The following NCOA4 variants were observed in gnomAD, a reference collection of about 807,000 sequenced individuals.
NCOA4 encodes nuclear receptor coactivator 4.
Under a neutral mutation model 69.5 loss-of-function variants are expected in NCOA4, and 31 were observed. That is an observed-to-expected ratio of 0.45 (90% CI 0.34 to 0.60). NCOA4 has a LOEUF of 0.60. Ranked by LOEUF, NCOA4 falls within the 20% of genes least tolerant of loss-of-function variation. The pLI, the probability that NCOA4 is intolerant of heterozygous loss-of-function variation, is 0.02. For missense variants in NCOA4, 600 were observed against 719.2 expected (o/e 0.83, Z 1.90); for synonymous variants, 228 against 252.4 (o/e 0.90, Z 0.92).
At chr10:46,014,029 A>T (rs1839386539) in intron 5 of NCOA4, among the ~76,000 whole-genome samples, 1 of 151,860 alleles carries the variant, frequency 6.6e-6, no homozygotes, top group Admixed American at 6.6e-5. Context: ...TCAGAATATG[A>T]ATTTTTTTTT....
At chr10:46,007,433 T>G (rs538520230) in intron 9 of NCOA4, among the ~76,000 whole-genome samples, 1 of 152,280 alleles carries the variant, frequency 6.6e-6, no homozygotes, top group South Asian at 2.1e-4. Context: ...TAAATGAAGT[T>G]GGCTACACTC....
At chr10:46,021,546 T>C (rs1425973242) in intron 1 of NCOA4, among the ~76,000 whole-genome samples, 3 of 152,254 alleles carry the variant, frequency 2.0e-5, no homozygotes, top group African/African-American at 7.2e-5. Flanking sequence ...GTGATTAAAA[T>C]TAACATTCCA....
chr10:46,023,468 A>G, intron 1 of NCOA4: 1 of 985,652 alleles, frequency 1.0e-6, no homozygotes, highest in Non-Finnish European at 1.2e-6. Context: ...CGCCCGGGCC[A>G]CTAGCGAGCT....
chr10:46,006,619 T>G (rs1311239786), intron 9 of NCOA4, 22 bp from the exon 10 acceptor site: 1 of 1,613,900 alleles, frequency 6.2e-7, no homozygotes. Context: ...CACCCACAGA[T>G]GATAAGTTAC....
At chr10:46,012,086 A>AAAAAAAAAAAAAAAAAAAC (rs1839257954) in intron 7 of NCOA4, among the ~76,000 whole-genome samples, 3 of 138,360 alleles carry the variant, frequency 2.2e-5, no homozygotes, top group Middle Eastern at 3.4e-3. Context: ...AAAAAAAAAA[A>AAAAAAAAAAAAAAAAAAAC]AAAAAAAAAA....
Position 46,015,149 on chromosome 10 carries a change from G to T in NCOA4, c.259C>A (p.Gln87Lys). 1.9e-6 allele frequency: 3 copies of T among 1,614,214 alleles called. No individual in the cohort carries two copies. The highest frequency in any genetic ancestry group is 2.5e-6 in the Non-Finnish European group (3 of 1,180,036). The change falls in exon 3 of 10, where the codon CAG becomes AAG. Residue 87 changes from glutamine to lysine, a missense_variant. Transcript: ENST00000581486. ...ACCGAGTAGAGCTGCTGAGCCTGCT[G>T]TTGAAGTGTCTCCTCTTTAAGCTGA... ...IYQLKEETLQQQAQQLYSLLG... is the reference protein window; with the variant it reads ...IYQLKEETLQKQAQQLYSLLG...
At chr10:46,008,815 GAC>G in intron 9 of NCOA4, among the ~76,000 whole-genome samples, 1 of 152,302 alleles carries the variant, frequency 6.6e-6, no homozygotes, top group South Asian at 2.1e-4. Context: ...TAAAGAAACT[GAC>G]AGAGCCATCC....
chr10:46,013,108 T>C (rs1590159226), intron 6 of NCOA4, 82 bp from the exon 7 acceptor site: 1 of 1,400,736 alleles, frequency 7.1e-7, no homozygotes, highest in East Asian at 2.3e-5. Flanking sequence ...AATCTTGGCT[T>C]GCCACTGACC....
At chr10:46,027,268 CAAAAAA>C (rs34282889) in intron 1 of NCOA4, among the ~76,000 whole-genome samples, 2 of 79,708 alleles carry the variant, frequency 2.5e-5, no homozygotes, top group African/African-American at 5.1e-5. Context: ...GACTCCGTCT[CAAAAAA>C]AAAAAAAAAA....
chr10:46,011,741 T>C (rs1242517889), intron 7 of NCOA4, among the ~76,000 whole-genome samples: 1 of 151,712 alleles, frequency 6.6e-6, no homozygotes, highest in African/African-American at 2.4e-5. Context: ...AGGCAAGTCA[T>C]CAAAGAAGCC....
intron 1 of NCOA4, among the ~76,000 whole-genome samples, chr10:46,019,959 G>A (rs1165756541): frequency 2.6e-5 from 4 of 152,072 alleles, no homozygotes; most frequent in Non-Finnish European, 5.9e-5. Context: ...TCCCTGTGGC[G>A]CAGTTAGAGC....
In NCOA4 at chr10:46,010,378, C is replaced by T; in HGVS notation, c.1543G>A (p.Glu515Lys). 6.2e-7 allele frequency: 1 copy of T among 1,614,184 alleles called. No homozygotes were observed. Among genetic ancestry groups the T allele is most frequent in the Non-Finnish European group, 8.5e-7 (1 of 1,180,032 alleles). The change falls in exon 8 of 10, where the codon GAA becomes AAA. Residue 515 changes from glutamate to lysine, a missense_variant. By Grantham distance (56) the Glu-to-Lys change is moderately conservative. Coordinates refer to ENST00000581486, the MANE Select transcript of NCOA4 (RefSeq NM_001145263.2). ...EGSPKEVPGTEDRAGKQKFKS... is the reference protein window; with the variant it reads ...EGSPKEVPGTKDRAGKQKFKS... The stretch of plus-strand genomic sequence containing the variant: ...AACTTCTGTTTGCCAGCTCTGTCTT[C>T]AGTACCAGGCACTTCCTTGGGACTT...
At chr10:46,009,265 TC>T in intron 9 of NCOA4, 145 bp downstream of exon 9, 5 of 1,481,688 alleles carry the variant, frequency 3.4e-6, no homozygotes, top group South Asian at 1.2e-5. Context: ...TTTTATGAGC[TC>T]CCCCGTCCCA....
chr10:46,022,622 G>A (rs189012027), intron 1 of NCOA4: 46 of 325,740 alleles, frequency 1.4e-4, no homozygotes, highest in African/African-American at 1.0e-3. Context: ...CCGCCGCCAC[G>A]CCCGGCTAAT....
At chr10:46,027,196 G>A (rs150826471) in intron 1 of NCOA4, among the ~76,000 whole-genome samples, 40 of 150,214 alleles carry the variant, frequency 2.7e-4, no homozygotes, top group Non-Finnish European at 4.4e-5. Context: ...GCGTGAACCC[G>A]GAAGGCGGAG....
intron 7 of NCOA4, among the ~76,000 whole-genome samples, chr10:46,011,557 G>A (rs1296196809): frequency 6.6e-6 from 1 of 151,648 alleles, no homozygotes; most frequent in East Asian, 1.9e-4. Context: ...TTACAGGCGT[G>A]AGCCACCACG....
chr10:46,018,900 TA>T (rs1839715623), intron 1 of NCOA4, among the ~76,000 whole-genome samples: 1 of 152,140 alleles, frequency 6.6e-6, no homozygotes, highest in Non-Finnish European at 1.5e-5. Flanking sequence ...TCTTTAAGAC[TA>T]AGTTTAGGGC....
At chr10:46,008,218 A>T (rs1225011468) in intron 9 of NCOA4, among the ~76,000 whole-genome samples, 1 of 152,246 alleles carries the variant, frequency 6.6e-6, no homozygotes, top group African/African-American at 2.4e-5. Context: ...ACTTTCAAGT[A>T]TTATTTAAGA....
rs1357174724 is a variant in NCOA4, at chr10:46,005,795, A to G, written c.*797T>C. 9.5e-6 allele frequency: 2 copies of G among 211,364 alleles called. No homozygotes were observed. The highest frequency in any genetic ancestry group is 4.5e-5 in the African/African-American group (2 of 44,022). The allele number at this position is 211,364 out of a possible 1,614,324, so 13.1% of individuals were successfully genotyped here. On this transcript the variant is annotated 3_prime_UTR_variant, in exon 10 of 10. Transcript: ENST00000581486. Reference sequence around the variant, plus strand: ...TTTCAAGTACTATACTACATTTCCAACATGTCTTTTGCCTATTTGCTTAGT... The same window carrying G: ...TTTCAAGTACTATACTACATTTCCAGCATGTCTTTTGCCTATTTGCTTAGT...
Sources: allele counts gnomAD v4.1 joint callset (sites outside exome capture counted in the v4.1 genomes callset), GRCh38; gene constraint gnomAD v4.1.1; transcripts MANE v1.5; gene names NCBI Gene and HGNC (gene_info 2026-07-23, HGNC 2026-07-21).